SEMA6D: variants seen among roughly 807,000 people sequenced by gnomAD.
The protein encoded by SEMA6D is semaphorin-6D.
A neutral mutation model predicts 106.6 loss-of-function variants in SEMA6D; 35 were observed. The ratio of observed to expected loss-of-function variants is 0.33; its 90% CI spans 0.25 to 0.44. The LOEUF (loss-of-function observed/expected upper bound fraction) is 0.44. SEMA6D is among the 20% of genes least tolerant of loss of function. The pLI is 1.00. For missense variants in SEMA6D, 1,185 were observed against 1,345.9 expected, an observed-to-expected ratio of 0.88 and a Z score of 1.87; for synonymous variants, 499 against 487.7, an observed-to-expected ratio of 1.02 and a Z score of -0.31.
chr15:47,738,824 A>G (rs1387698442), intron 1 of SEMA6D, among the ~76,000 whole-genome samples: 1 of 152,190 alleles, frequency 6.6e-6, no homozygotes, highest in Non-Finnish European at 1.5e-5. Flanking sequence ...TACTCTATGT[A>G]GTATCAACTG....
chr15:47,654,340 C>T (rs148756939), intron 4 of SEMA6D, among the ~76,000 whole-genome samples: 2 of 152,274 alleles, frequency 1.3e-5, no homozygotes, highest in African/African-American at 4.8e-5. Context: ...CTATTGTGAC[C>T]AGAAGCCTTA....
chr15:47,369,433 C>A (rs894817835), intron 1 of SEMA6D, among the ~76,000 whole-genome samples: 1 of 152,194 alleles, frequency 6.6e-6, no homozygotes, highest in African/African-American at 2.4e-5. Flanking sequence ...CGTCCCACAT[C>A]TTTCCATTAT....
At chr15:47,713,302 C>G (rs942308650), upstream of SEMA6D, among the ~76,000 whole-genome samples, 5 of 152,202 alleles carry the variant, frequency 3.3e-5, no homozygotes, top group African/African-American at 1.2e-4. Flanking sequence ...AACATAAGCA[C>G]TGCTGTGGTG....
At position 47,773,966 on chromosome 15, in the gene SEMA6D, C is replaced by A. The variant is rs967670073; in HGVS notation, c.*2181C>A. On this transcript the variant is annotated 3_prime_UTR_variant, in exon 19 of 19. Coordinates refer to ENST00000536845, the MANE Select transcript of SEMA6D (RefSeq NM_001358351.3). The stretch of plus-strand genomic sequence containing the variant: ...TCAGTATTTATGTTGAAATTTCTAA[C>A]ATTAAATCTAGTCTCTATCCTGTTA... 6.6e-6 allele frequency: 1 copy of A among 152,606 alleles called. No homozygotes were observed. Among genetic ancestry groups the A allele is most frequent in the Non-Finnish European group, 1.5e-5 (1 of 68,036 alleles). 9.5% of individuals were successfully genotyped at this position (152,606 alleles called of 1,614,324 possible).
intron 4 of SEMA6D, among the ~76,000 whole-genome samples, chr15:47,620,491 T>C (rs2077078728): frequency 6.6e-6 from 1 of 152,158 alleles, no homozygotes; most frequent in South Asian, 2.1e-4. Context: ...GTTTAAAAAT[T>C]AAGATGAACA....
At chr15:47,512,407 C>T (rs1164328653) in intron 3 of SEMA6D, among the ~76,000 whole-genome samples, 1 of 152,204 alleles carries the variant, frequency 6.6e-6, no homozygotes, top group Non-Finnish European at 1.5e-5. Context: ...AAACCATCAA[C>T]AACAGGAGGA....
rs555646601 is a variant in SEMA6D at position 47,562,273 on chromosome 15, C to G, written c.-86-38592C>G. Among the ~76,000 whole-genome samples the G allele has an allele frequency of 2.6e-5, 4 of 152,038 alleles. No homozygotes were observed. The South Asian group carries it at 8.3e-4, about 32-fold the overall frequency. ...AAAAAAATTAAATAAATTGTAGATC[C>G]TTACATTCACTATGCTAAAAACTTA... On this transcript the variant is annotated intron_variant, in intron 3 of 19. Coordinates refer to the SEMA6D transcript ENST00000558014.
chr15:47,754,872 T>C (rs1322493037), intron 1 of SEMA6D, among the ~76,000 whole-genome samples: 1 of 152,182 alleles, frequency 6.6e-6, no homozygotes, highest in African/African-American at 2.4e-5. Context: ...TACTCACTAA[T>C]CTTCTCTTTA....
At chr15:47,394,913 T>A (rs2040161215) in intron 1 of SEMA6D, among the ~76,000 whole-genome samples, 1 of 152,010 alleles carries the variant, frequency 6.6e-6, no homozygotes, top group Admixed American at 6.6e-5. Context: ...TTTTTTTAAG[T>A]GAAGAATAGG....
chr15:47,676,626 A>G (rs570988825), intron 4 of SEMA6D, among the ~76,000 whole-genome samples: 1 of 152,300 alleles, frequency 6.6e-6, no homozygotes, highest in African/African-American at 2.4e-5. Flanking sequence ...ACTTGCAGCA[A>G]TTGAGGTACC....
intron 4 of SEMA6D, among the ~76,000 whole-genome samples, chr15:47,668,664 AC>A (rs1403378448): frequency 6.6e-6 from 1 of 152,090 alleles, no homozygotes; most frequent in Non-Finnish European, 1.5e-5. Flanking sequence ...TAGTTCCCTG[AC>A]CTAGCGAATG....
At chr15:47,445,763 A>G (rs1756530630) in intron 2 of SEMA6D, among the ~76,000 whole-genome samples, 1 of 150,260 alleles carries the variant, frequency 6.7e-6, no homozygotes, top group African/African-American at 2.5e-5. Context: ...AAAACATGGT[A>G]TTTTAGAAGT....
chr15:47,252,371 C>T (rs2033571328), intron 1 of SEMA6D, among the ~76,000 whole-genome samples: 1 of 152,106 alleles, frequency 6.6e-6, no homozygotes, highest in African/African-American at 2.4e-5. Flanking sequence ...TGTCCATCAC[C>T]TCAGACCTTT....
chr15:47,696,079 T>A (rs764468122), intron 4 of SEMA6D, among the ~76,000 whole-genome samples: 1 of 152,178 alleles, frequency 6.6e-6, no homozygotes, highest in Admixed American at 6.5e-5. Flanking sequence ...CAAACAAAGG[T>A]CTTCTCTTCA....
rs565611666 is a variant in SEMA6D at position 47,544,287 on chromosome 15, G to C, written c.-86-56578G>C. Among the ~76,000 whole-genome samples the C allele has an allele frequency of 2.0e-5, 3 of 152,222 alleles. No individual in the cohort carries two copies. The South Asian group carries it at 6.2e-4, about 32-fold the overall frequency. On this transcript the variant is annotated intron_variant, in intron 3 of 19. Transcript: ENST00000558014. ...AAATATCCAAAATAAAGTGTGCTCTGAATTTTGATGACAACATCAGCATGG... is the reference window on the plus strand; with the variant it reads ...AAATATCCAAAATAAAGTGTGCTCTCAATTTTGATGACAACATCAGCATGG...
intron 2 of SEMA6D, among the ~76,000 whole-genome samples, chr15:47,458,500 T>C (rs2042408909): frequency 6.6e-6 from 1 of 151,950 alleles, no homozygotes; most frequent in South Asian, 2.1e-4. Flanking sequence ...ATTCAAAATA[T>C]GCAAAATATA....
intron 1 of SEMA6D, among the ~76,000 whole-genome samples, chr15:47,201,621 T>C (rs1371241652): frequency 6.6e-6 from 1 of 152,110 alleles, no homozygotes; most frequent in Non-Finnish European, 1.5e-5. Context: ...AGGATTCTTT[T>C]ATGCAGTCCC....
At chr15:47,328,022 A>G (rs2037199877) in intron 1 of SEMA6D, among the ~76,000 whole-genome samples, 1 of 152,222 alleles carries the variant, frequency 6.6e-6, no homozygotes, top group Non-Finnish European at 1.5e-5. Flanking sequence ...CTGCAAGTGA[A>G]TAAGAGAATA....
At chr15:47,741,511 G>C (rs1006208096) in intron 1 of SEMA6D, among the ~76,000 whole-genome samples, 9 of 152,218 alleles carry the variant, frequency 5.9e-5, no homozygotes, top group Non-Finnish European at 1.2e-4. Context: ...GAGGTCGGCA[G>C]TTCAAGACCA....
Sources: gnomAD v4.1 joint callset for allele counts (sites outside exome capture counted in the v4.1 genomes callset) on GRCh38, gnomAD v4.1.1 for gene constraint, MANE v1.5 for transcripts, NCBI Gene and HGNC (gene_info 2026-07-23, HGNC 2026-07-21) for gene names.